Variants in CDH4 observed in about 807,000 individuals in gnomAD.
CDH4 encodes the protein cadherin 4.
CDH4 carries 33 observed loss-of-function variants against 86.0 expected under a neutral mutation model. That is an observed-to-expected ratio of 0.38 (90% CI 0.29 to 0.51). The LOEUF (loss-of-function observed/expected upper bound fraction) is 0.51. Ranked by LOEUF, CDH4 falls within the 20% of genes least tolerant of loss-of-function variation. CDH4 has a pLI of 0.86. For synonymous variants in CDH4, 555 were observed against 549.4 expected (o/e 1.01, Z -0.14); for missense variants, 1,114 against 1,307.4 (o/e 0.85, Z 2.28).
chr20:61,300,430 C>T (rs994756389), intron 2 of CDH4, among the ~76,000 whole-genome samples: 6 of 152,114 alleles, frequency 3.9e-5, no homozygotes, highest in Non-Finnish European at 8.8e-5. Context: ...CGGCACAGGG[C>T]ACTCTCTGCA....
chr20:61,827,647 C>T (rs758663091), intron 4 of CDH4, among the ~76,000 whole-genome samples: 1 of 152,250 alleles, frequency 6.6e-6, no homozygotes, highest in Non-Finnish European at 1.5e-5. Flanking sequence ...ACTGAACACC[C>T]AAGCCCCTAG....
chr20:61,395,835 T>G (rs1439366138), intron 2 of CDH4, among the ~76,000 whole-genome samples: 1 of 152,212 alleles, frequency 6.6e-6, no homozygotes, highest in Non-Finnish European at 1.5e-5. Flanking sequence ...TTGCTAGCTT[T>G]GCTATCGGGG....
intron 8 of CDH4, among the ~76,000 whole-genome samples, chr20:61,896,298 C>T (rs913190059): frequency 3.9e-5 from 6 of 152,184 alleles, no homozygotes; most frequent in Non-Finnish European, 8.8e-5. Context: ...GGGAGACGCT[C>T]CTCCCGGTGG....
Position 61,699,877 on chromosome 20 carries a change from G to A in CDH4, c.170-43686G>A, listed in dbSNP as rs183213634. 1.4e-4 allele frequency among the ~76,000 whole-genome samples: 22 copies of A among 152,306 alleles called. No homozygotes were observed. In the East Asian group the frequency reaches 3.9e-3, roughly 27 times the overall value. The stretch of plus-strand genomic sequence containing the variant: ...TCACTTCCAAGGGCTCAGCTGCATG[G>A]GCTGGCAATGGCTGAGTGAGTACAA... On this transcript the variant is annotated intron_variant, in intron 2 of 15. Transcript: ENST00000614565.
At chr20:61,318,439 C>CT (rs71331920) in intron 2 of CDH4, among the ~76,000 whole-genome samples, 1,935 of 151,908 alleles carry the variant, frequency 0.013, 59 homozygotes, top group Admixed American at 0.064. Flanking sequence ...AACTGACGTT[C>CT]TTTTTTTTTC....
In CDH4 at chr20:61,535,892, C is replaced by T. The variant is rs184625380; in HGVS notation, c.170-207671C>T. Among the ~76,000 whole-genome samples, 10 of 152,334 alleles carry T rather than the reference C, an allele frequency of 6.6e-5. No homozygotes were observed. The South Asian group carries it at 8.3e-4, about 13-fold the overall frequency. On this transcript the variant is annotated intron_variant, in intron 2 of 15. Coordinates refer to ENST00000614565, the MANE Select transcript of CDH4 (RefSeq NM_001794.5). ...TTGCACTGTGCTCCTCTAGGTTAGA[C>T]GCCCTTTGGGTTTCAAGGTGGCAAG...
chr20:61,615,321 G>A lies in CDH4; in HGVS notation c.170-128242G>A, dbSNP rs183416598. On this transcript the variant is annotated intron_variant, in intron 2 of 15. Coordinates refer to ENST00000614565, the MANE Select transcript of CDH4 (RefSeq NM_001794.5). ...ATTTTTAGCAGAGATGTGGTTTCACGATGTTGGCCAGACTGGTCTTGAACT... is the reference window on the plus strand; with the variant it reads ...ATTTTTAGCAGAGATGTGGTTTCACAATGTTGGCCAGACTGGTCTTGAACT... 2.7e-3 allele frequency among the ~76,000 whole-genome samples: 406 copies of A among 151,068 alleles called. 11 individuals are homozygous for A. The highest frequency in any genetic ancestry group is 0.024 in the Admixed American group (361 of 15,272).
intron 15 of CDH4, 59 bp from the exon 16 acceptor site, chr20:61,936,678 C>A: frequency 7.2e-7 from 1 of 1,394,316 alleles, no homozygotes. Flanking sequence ...TCCGTTCCAT[C>A]TGATCCCGGG....
intron 2 of CDH4, among the ~76,000 whole-genome samples, chr20:61,266,400 C>T (rs915764446): frequency 3.3e-5 from 5 of 151,870 alleles, no homozygotes; most frequent in African/African-American, 7.3e-5. Context: ...GGAGTGTGCC[C>T]TTGGGTTTCT....
chr20:61,854,600 CG>C (rs1296165142), intron 6 of CDH4, among the ~76,000 whole-genome samples: 1 of 146,630 alleles, frequency 6.8e-6, no homozygotes, highest in Non-Finnish European at 1.5e-5. Flanking sequence ...GCCCTTGGTC[CG>C]CCCCCAGGGC....
At chr20:61,917,212 C>A (rs1001116202) in intron 9 of CDH4, among the ~76,000 whole-genome samples, 1 of 152,230 alleles carries the variant, frequency 6.6e-6, no homozygotes, top group Non-Finnish European at 1.5e-5. Flanking sequence ...ACCTCCCAGG[C>A]TCTACCTGAG....
rs150223311 is a variant in CDH4, at chr20:61,722,455, C to T, written c.170-21108C>T. 1.4e-3 allele frequency among the ~76,000 whole-genome samples: 217 copies of T among 152,304 alleles called. 2 individuals carry two copies. Among genetic ancestry groups the T allele is most frequent in the African/African-American group, 5.1e-3 (210 of 41,576 alleles). On this transcript the variant is annotated intron_variant, in intron 2 of 15. Coordinates refer to ENST00000614565, the MANE Select transcript of CDH4 (RefSeq NM_001794.5). ...CTCAGGCCTCTGAAGTTAGAGGCGA[C>T]CACATGACTTGTCTTGGCCAATGAA...
chr20:61,565,265 G>GGTGGCGGTGCTCTTGGTGATGGTGGTA (rs2086275102), intron 2 of CDH4, among the ~76,000 whole-genome samples: 2 of 21,742 alleles, frequency 9.2e-5, no homozygotes, highest in Admixed American at 9.5e-4. Context: ...TGATGGTGGT[G>GGTGGCGGTGCTCTTGGTGATGGTGGTA]GTGGTCCTCT....
intron 7 of CDH4, among the ~76,000 whole-genome samples, chr20:61,894,171 G>A (rs1984987890): frequency 6.6e-6 from 1 of 152,140 alleles, no homozygotes; most frequent in South Asian, 2.1e-4. Flanking sequence ...AGAAGTTCAT[G>A]GCCTCTGGGT....
chr20:61,735,298 A>G (rs1158419403), intron 2 of CDH4, among the ~76,000 whole-genome samples: 1 of 152,224 alleles, frequency 6.6e-6, no homozygotes. Flanking sequence ...TAAAATTCAC[A>G]TAACGTAAAT....
chr20:61,568,729 G>A (rs1001900974), intron 2 of CDH4, among the ~76,000 whole-genome samples: 2 of 152,138 alleles, frequency 1.3e-5, no homozygotes, highest in East Asian at 1.9e-4. Flanking sequence ...CTCAGACACC[G>A]CCTTTTAATG....
At chr20:61,301,590 A>C (rs1004586048) in intron 2 of CDH4, among the ~76,000 whole-genome samples, 1 of 152,228 alleles carries the variant, frequency 6.6e-6, no homozygotes, top group Middle Eastern at 3.2e-3. Flanking sequence ...CTTTAAAAAT[A>C]GGTTTCATAA....
intron 2 of CDH4, among the ~76,000 whole-genome samples, chr20:61,486,557 C>T (rs1241131705): frequency 6.6e-6 from 1 of 152,232 alleles, no homozygotes; most frequent in Non-Finnish European, 1.5e-5. Context: ...AAATAAAACA[C>T]TTGTGTGGTG....
intron 7 of CDH4, among the ~76,000 whole-genome samples, chr20:61,876,117 C>T (rs969981599): frequency 5.9e-5 from 9 of 152,240 alleles, no homozygotes; most frequent in African/African-American, 1.2e-4. Flanking sequence ...GCACGGCTGC[C>T]GGCTGTGTCC....
Sources: allele counts gnomAD v4.1 joint callset (sites outside exome capture counted in the v4.1 genomes callset), GRCh38; gene constraint gnomAD v4.1.1; transcripts MANE v1.5; gene names NCBI Gene and HGNC (gene_info 2026-07-23, HGNC 2026-07-21).